Variants in TAF10 observed in about 807,000 individuals in gnomAD.
TAF10 encodes TATA-box binding protein associated factor 10.
Under a neutral mutation model 18.1 loss-of-function variants are expected in TAF10, and 2 were observed. That is an observed-to-expected ratio of 0.11 (90% confidence interval 0.05 to 0.35). TAF10 has a LOEUF of 0.35. TAF10 is among the 10% of genes least tolerant of loss of function. TAF10 has a pLI of 1.00. For missense variants in TAF10, 293 were observed against 306.9 expected (o/e 0.95, Z 0.34); for synonymous variants, 158 against 134.6 (o/e 1.17, Z -1.20).
rs1855307063 is a variant in TAF10 at position 6,609,698 on chromosome 11, A to G, written c.*1224T>C. 23 of 1,614,158 alleles carry G rather than the reference A, an allele frequency of 1.4e-5. No individual in the cohort carries two copies. The highest frequency in any genetic ancestry group is 1.9e-5 in the Non-Finnish European group (23 of 1,180,012). On this transcript the variant is annotated 3_prime_UTR_variant, in exon 5 of 5. Coordinates refer to ENST00000299424, the MANE Select transcript of TAF10 (RefSeq NM_006284.4). ...AATGGCAGAGAGGGAGCCTCTCTGA[A>G]CTATTTGACTTTTGCCTCCTCTCAG...
In TAF10 at chr11:6,610,538, T is replaced by C; in HGVS notation, c.*384A>G. On this transcript the variant is annotated 3_prime_UTR_variant, in exon 5 of 5. Transcript: ENST00000299424. ...GTGTGTAAGCTCATGAAGATCTGCA[T>C]GAATGAAGACCCTGCAAAGCGACCC... 6.2e-7 allele frequency: 1 copy of C among 1,614,214 alleles called. No homozygotes were observed.
Position 6,612,097 on chromosome 11 carries a change from G to T in TAF10, c.93C>A (p.Ala31=). Residue 31 remains alanine, a synonymous_variant, in exon 1 of 5, where the codon GCC becomes GCA. Coordinates refer to ENST00000299424, the MANE Select transcript of TAF10 (RefSeq NM_006284.4). ...PGPAPPVSAP[A]ALPSSTAAEN... ...CCGCGGCGGTGCTGGAGGGCAGCGC[G>T]GCGGGAGCCGAGACCGGGGGCGCGG... 1 of 1,227,858 alleles carries T rather than the reference G, an allele frequency of 8.1e-7. No homozygotes were observed. 76.1% of individuals were successfully genotyped at this position (1,227,858 alleles called of 1,614,324 possible).
Position 6,608,573 on chromosome 11 carries a change from T to G in TAF10, c.*2349A>C. The G allele has an allele frequency of 7.4e-7, 1 of 1,359,462 alleles. No homozygotes were observed. The highest frequency in any genetic ancestry group is 1.1e-6 in the Non-Finnish European group (1 of 947,882). 84.2% of individuals were successfully genotyped at this position (1,359,462 alleles called of 1,614,324 possible). A position where few individuals can be genotyped will look rare whatever the true frequency, so the allele number is the denominator to read the frequency against. ...GGAGATTTTGGAACCCTCAACCCATTCTGTCAGTACTACTGTGTGACACTT... is the reference window on the plus strand; with the variant it reads ...GGAGATTTTGGAACCCTCAACCCATGCTGTCAGTACTACTGTGTGACACTT... On this transcript the variant is annotated 3_prime_UTR_variant, in exon 5 of 5. Coordinates refer to ENST00000299424, the MANE Select transcript of TAF10 (RefSeq NM_006284.4). The surrounding 1 kb of genome is among the most constrained non-coding windows in gnomAD (Gnocchi z 4.9).
rs934636653 is a variant in TAF10 at position 6,606,816 on chromosome 11, C to T, written c.*4106G>A. The T allele has an allele frequency of 6.6e-6, 1 of 152,196 alleles. No individual in the cohort carries two copies. Among genetic ancestry groups the T allele is most frequent in the Non-Finnish European group, 1.5e-5 (1 of 68,062 alleles). 9.4% of individuals were successfully genotyped at this position (152,196 alleles called of 1,614,324 possible). On this transcript the variant is annotated 3_prime_UTR_variant, in exon 5 of 5. Coordinates refer to ENST00000299424, the MANE Select transcript of TAF10 (RefSeq NM_006284.4). ...CATACTTTTGCCCCCCGAGTTTGGC[C>T]TGCCCTGGCGCCACAGGCAGTACTG...
At chr11:6,611,051 C>G (rs773794724) in intron 4 of TAF10, 40 bp from the exon 5 acceptor site, 11 of 1,609,052 alleles carry the variant, frequency 6.8e-6, no homozygotes, top group Non-Finnish European at 9.4e-6. Flanking sequence ...GCACAGGAAT[C>G]CCGGACTTCA....
intron 1 of TAF10, 49 bp downstream of exon 1, chr11:6,611,909 G>A (rs1400005066): frequency 6.4e-7 from 1 of 1,573,284 alleles, no homozygotes; most frequent in South Asian, 1.1e-5. Flanking sequence ...ACCCGCCGCT[G>A]GACCCAGCCC....
chr11:6,610,371 G>T lies in TAF10; in HGVS notation c.*551C>A, dbSNP rs1175650176. 1 of 1,612,576 alleles carries T rather than the reference G, an allele frequency of 6.2e-7. No homozygotes were observed. The highest frequency in any genetic ancestry group is 8.5e-7 in the Non-Finnish European group (1 of 1,178,942). On this transcript the variant is annotated 3_prime_UTR_variant, in exon 5 of 5. Coordinates refer to ENST00000299424, the MANE Select transcript of TAF10 (RefSeq NM_006284.4). ...GCCTTGGCTCCTCACATATTTGTTCGGATATACAGTAATCCTGTCCCAAGG... is the reference window on the plus strand; with the variant it reads ...GCCTTGGCTCCTCACATATTTGTTCTGATATACAGTAATCCTGTCCCAAGG...
chr11:6,609,604 A>C lies in TAF10; in HGVS notation c.*1318T>G. The stretch of plus-strand genomic sequence containing the variant: ...ACTCTCATCACACACTGGATGCCGT[A>C]TGGATCCCTCTACAATGTACTACAT... On this transcript the variant is annotated 3_prime_UTR_variant, in exon 5 of 5. Transcript: ENST00000299424. The C allele has an allele frequency of 6.2e-7, 1 of 1,614,112 alleles. No individual in the cohort carries two copies. Among genetic ancestry groups the C allele is most frequent in the Non-Finnish European group, 8.5e-7 (1 of 1,179,990 alleles).
rs943053548 is a variant in TAF10 at position 6,610,709 on chromosome 11, C to T, written c.*213G>A. 1.6e-5 allele frequency: 24 copies of T among 1,480,446 alleles called. No homozygotes were observed. The African/African-American group carries it at 3.2e-4, about 20-fold the overall frequency. 91.7% of individuals were successfully genotyped at this position (1,480,446 alleles called of 1,614,324 possible). On this transcript the variant is annotated 3_prime_UTR_variant, in exon 5 of 5. Transcript: ENST00000299424. ...AGGCCTCTGGTTGCCTCCCCCGCCT[C>T]CAGTCATGGTACTACCCCAGCCATG...
In TAF10 at chr11:6,611,394, G is replaced by C; in HGVS notation, c.446C>G (p.Pro149Arg). 3 of 1,614,180 alleles carry C rather than the reference G, an allele frequency of 1.9e-6. No individual in the cohort carries two copies. The highest frequency in any genetic ancestry group is 2.5e-6 in the Non-Finnish European group (3 of 1,180,026). ...LNRAGFEASD[P>R]RIIRLISLAA... ...CTGCCCTGGGTTTACTCACATGCGTGGGTCTGAGGCCTCAAAGCCAGCACG... is the reference window on the plus strand; with the variant it reads ...CTGCCCTGGGTTTACTCACATGCGTCGGTCTGAGGCCTCAAAGCCAGCACG... Residue 149 changes from proline to arginine, a missense_variant, in exon 3 of 5, where the codon CCA (proline) becomes CGA (arginine). Pro to Arg is a moderately radical substitution (Grantham distance 103). Coordinates refer to ENST00000299424, the MANE Select transcript of TAF10 (RefSeq NM_006284.4).
chr11:6,611,546 G>C (rs1022826276), intron 2 of TAF10, 94 bp from the exon 3 acceptor site: 2 of 1,596,750 alleles, frequency 1.3e-6, no homozygotes, highest in African/African-American at 2.7e-5. Context: ...GTTTGGGTGA[G>C]CAGAGGGCAA....
chr11:6,610,195 T>C lies in TAF10; in HGVS notation c.*727A>G. ...CACAAACAGACGCTCAGCAGACATG[T>C]GGAGTTTTGCAGTGCTTCTGTGGGA... is the stretch of plus-strand genomic sequence containing the variant. On this transcript the variant is annotated 3_prime_UTR_variant, in exon 5 of 5. Coordinates refer to ENST00000299424, the MANE Select transcript of TAF10 (RefSeq NM_006284.4). 3.7e-6 allele frequency: 6 copies of C among 1,614,140 alleles called. No homozygotes were observed. Among genetic ancestry groups the C allele is most frequent in the Non-Finnish European group, 5.1e-6 (6 of 1,180,022 alleles).
At chr11:6,611,096 C>G in intron 4 of TAF10, 85 bp from the exon 5 acceptor site, 1 of 1,587,132 alleles carries the variant, frequency 6.3e-7, no homozygotes, top group Non-Finnish European at 8.6e-7. Flanking sequence ...AGTCTTACAC[C>G]TCCCCTACGA....
At position 6,610,914 on chromosome 11, in the gene TAF10, T is replaced by A; in HGVS notation, c.*8A>T. ...TGGGGACAGATAAGTACATTTAGGT[T>A]GGGTGGCTCAGGTGAAGTAGTGCGG... On this transcript the variant is annotated 3_prime_UTR_variant, in exon 5 of 5. Transcript: ENST00000299424. 1 of 1,614,098 alleles carries A rather than the reference T, an allele frequency of 6.2e-7. No homozygotes were observed. Among genetic ancestry groups the A allele is most frequent in the East Asian group, 2.2e-5 (1 of 44,890 alleles).
rs754711553 is a variant in TAF10, at chr11:6,609,164, CTGCCCTTCT to C, written c.*1749_*1757del. On this transcript the variant is annotated 3_prime_UTR_variant, in exon 5 of 5. Coordinates refer to ENST00000299424, the MANE Select transcript of TAF10 (RefSeq NM_006284.4). The stretch of plus-strand genomic sequence containing the variant: ...GAGAATCACTCTGGAGAGGTGACCC[CTGCCCTTCT>C]TGCCCTTCCCTCACTAAACCCCCAT... 6.2e-7 allele frequency: 1 copy of C among 1,612,914 alleles called. No individual in the cohort carries two copies. Among genetic ancestry groups the C allele is most frequent in the Non-Finnish European group, 8.5e-7 (1 of 1,178,994 alleles).
chr11:6,610,889 T>C lies in TAF10; in HGVS notation c.*33A>G, dbSNP rs1430335655. 2 of 1,609,382 alleles carry C rather than the reference T, an allele frequency of 1.2e-6. No homozygotes were observed. Among genetic ancestry groups the C allele is most frequent in the Non-Finnish European group, 1.7e-6 (2 of 1,175,794 alleles). On this transcript the variant is annotated 3_prime_UTR_variant, in exon 5 of 5. Coordinates refer to ENST00000299424, the MANE Select transcript of TAF10 (RefSeq NM_006284.4). ...ATGAAAACAGGCTGGTGTGGGGACA[T>C]GGGGACAGATAAGTACATTTAGGTT...
At position 6,610,204 on chromosome 11, in the gene TAF10, G is replaced by A. The variant is rs777970676; in HGVS notation, c.*718C>T. On this transcript the variant is annotated 3_prime_UTR_variant, in exon 5 of 5. Coordinates refer to ENST00000299424, the MANE Select transcript of TAF10 (RefSeq NM_006284.4). ...ACGCTCAGCAGACATGTGGAGTTTTGCAGTGCTTCTGTGGGAACTGGTGAC... is the reference window on the plus strand; with the variant it reads ...ACGCTCAGCAGACATGTGGAGTTTTACAGTGCTTCTGTGGGAACTGGTGAC... The A allele has an allele frequency of 1.8e-5, 29 of 1,614,236 alleles. No individual in the cohort carries two copies. Among genetic ancestry groups the A allele is most frequent in the Non-Finnish European group, 2.4e-5 (28 of 1,180,044 alleles).
chr11:6,611,293 T>C lies in TAF10; in HGVS notation c.463A>G (p.Ile155Val), dbSNP rs1220593337. 6.2e-7 allele frequency: 1 copy of C among 1,613,988 alleles called. No individual in the cohort carries two copies. The change falls in exon 4 of 5, where the codon ATC becomes GTC. Residue 155 changes from isoleucine to valine, a missense_variant. Ile to Val is a conservative substitution (Grantham distance 29). Coordinates refer to ENST00000299424, the MANE Select transcript of TAF10 (RefSeq NM_006284.4). Reference sequence around the variant, plus strand: ...ATGAATTTCTGGGCAGCTAAGGAGATGAGCCGAATTCTAGAGAGAAAAAAC... The same window carrying C: ...ATGAATTTCTGGGCAGCTAAGGAGACGAGCCGAATTCTAGAGAGAAAAAAC... ...EASDPRIIRL[I>V]SLAAQKFISD... is the part of the protein sequence containing the mutation.
In TAF10 at chr11:6,609,411, A is replaced by G. The variant is rs372028308; in HGVS notation, c.*1511T>C. On this transcript the variant is annotated 3_prime_UTR_variant, in exon 5 of 5. Transcript: ENST00000299424. ...AATGAAGAGTGTCCCCGGCTCAGGT[A>G]GTGCAAGGCGTAACCTGGAAGCTGC... 2.5e-6 allele frequency: 4 copies of G among 1,613,670 alleles called. No homozygotes were observed. The highest frequency in any genetic ancestry group is 2.2e-5 in the East Asian group (1 of 44,882).
Sources: allele counts gnomAD v4.1 joint callset, GRCh38; gene constraint gnomAD v4.1.1; non-coding constraint Gnocchi (gnomAD v3.1); transcripts MANE v1.5; gene names NCBI Gene and HGNC (gene_info 2026-07-23, HGNC 2026-07-21).